The following NSD3 variants were observed in gnomAD, a reference collection of about 807,000 sequenced individuals.
The protein encoded by NSD3 is histone-lysine N-methyltransferase NSD3.
NSD3 carries 24 observed loss-of-function variants against 160.8 expected under a neutral mutation model. The observed-to-expected ratio is 0.15, with a 90% CI of 0.11 to 0.21. The LOEUF (loss-of-function observed/expected upper bound fraction) is 0.21, where lower values mean the gene tolerates loss of function less well. Ranked by LOEUF, NSD3 falls within the 10% of genes least tolerant of loss-of-function variation. The pLI is 1.00. For missense variants in NSD3, 1,157 were observed against 1,735.9 expected (o/e 0.67, Z 5.93); for synonymous variants, 520 against 600.0 (o/e 0.87, Z 1.95).
At chr8:38,343,064 C>T (rs955932500) in intron 2 of NSD3, among the ~76,000 whole-genome samples, 1 of 151,558 alleles carries the variant, frequency 6.6e-6, no homozygotes, top group Non-Finnish European at 1.5e-5. Flanking sequence ...AGTGTGGTGA[C>T]GCACACCTGT....
chr8:38,293,922 C>CAAAAAAAAAAAAAAAAAAAAAAAA (rs11290856), intron 16 of NSD3, among the ~76,000 whole-genome samples: 1 of 49,932 alleles, frequency 2.0e-5, no homozygotes, highest in Non-Finnish European at 3.2e-5. Flanking sequence ...GACTCCGTCT[C>CAAAAAAAAAAAAAAAAAAAAAAAA]AAAAAAAAAA....
At chr8:38,344,272 T>C (rs1563362467) in intron 2 of NSD3, among the ~76,000 whole-genome samples, 1 of 152,146 alleles carries the variant, frequency 6.6e-6, no homozygotes, top group Non-Finnish European at 1.5e-5. Context: ...TGTTGTGTTT[T>C]TTTATTTGTT....
At chr8:38,326,914 T>C (rs1809926117) in intron 6 of NSD3, 58 bp from the exon 7 acceptor site, 2 of 1,589,686 alleles carry the variant, frequency 1.3e-6, no homozygotes, top group African/African-American at 1.4e-5. Context: ...GCAAGTGGCA[T>C]CATGGGCTTA....
Position 38,321,006 on chromosome 8 carries a change from G to T in NSD3, c.1809+66C>A. On this transcript the variant is annotated intron_variant, in intron 8 of 23. Coordinates refer to ENST00000317025, the MANE Select transcript of NSD3 (RefSeq NM_023034.2). This position sits in a 1 kb window ranked among gnomAD's most constrained non-coding sequence, Gnocchi z 4.7. ...GGGGGAAAGTTTCTCTTTCTTTTAA[G>T]ACAGGAATGTAAGCCACAACATTTA... is the stretch of plus-strand genomic sequence containing the variant. The T allele has an allele frequency of 6.9e-7, 1 of 1,453,472 alleles. No homozygotes were observed. Among genetic ancestry groups the T allele is most frequent in the Non-Finnish European group, 9.6e-7 (1 of 1,041,398 alleles). The allele number at this position is 1,453,472 out of a possible 1,614,324, so 90.0% of individuals were successfully genotyped here. A position where few individuals can be genotyped will look rare whatever the true frequency, so the allele number is the denominator to read the frequency against.
Position 38,315,974 on chromosome 8 carries a change from T to C in NSD3, c.1924A>G (p.Met642Val). The C allele has an allele frequency of 6.2e-7, 1 of 1,613,726 alleles. No individual in the cohort carries two copies. Among genetic ancestry groups the C allele is most frequent in the Non-Finnish European group, 8.5e-7 (1 of 1,180,004 alleles). ...KRSRASTDVEMTSSAYRDTSD... is the reference protein window; with the variant it reads ...KRSRASTDVEVTSSAYRDTSD... Reference sequence around the variant, plus strand: ...GTGTCTCTGTATGCTGAACTAGTCATTTCTACATCAGTTGAGGCGCGACTC... The same window carrying C: ...GTGTCTCTGTATGCTGAACTAGTCACTTCTACATCAGTTGAGGCGCGACTC... The change falls in exon 10 of 24, where the codon ATG becomes GTG. Residue 642 changes from methionine to valine, a missense_variant. By Grantham distance (21) the Met-to-Val change is conservative. Around this residue, in one of 10 missense-constraint regions of NSD3, gnomAD observed 437 missense variants for 576.6 expected, o/e 0.76. Coordinates refer to ENST00000317025, the MANE Select transcript of NSD3 (RefSeq NM_023034.2).
intron 14 of NSD3, chr8:38,303,502 G>T: frequency 1.9e-6 from 1 of 527,926 alleles, no homozygotes; most frequent in Non-Finnish European, 2.4e-6. Flanking sequence ...GACCCTGCTA[G>T]CTACTCCACA....
chr8:38,348,028 T>A lies in NSD3; in HGVS notation c.144A>T (p.Pro48=). 1 of 1,614,222 alleles carries A rather than the reference T, an allele frequency of 6.2e-7. No individual in the cohort carries two copies. Among genetic ancestry groups the A allele is most frequent in the Non-Finnish European group, 8.5e-7 (1 of 1,180,026 alleles). Residue 48 remains proline (P), a synonymous_variant, in exon 2 of 24, where the codon CCA becomes CCT. Transcript: ENST00000317025. ...AGCCTTGCTGCAAAGTAGCTTCATA[T>A]GGTGTCTGGCCACCATCTTCAGCAA... ...SDIAEDGGQT[P]YEATLQQGFQ... is the part of the protein sequence containing the mutation.
In NSD3 at chr8:38,270,709, T is replaced by C. The variant is rs1305650613; in HGVS notation, c.*4932A>G. On this transcript the variant is annotated 3_prime_UTR_variant, in exon 24 of 24. Transcript: ENST00000317025. ...AGCAGTAAAAGCTGAGGGTGCTTTC[T>C]CACTAACTAGCAGATGCAGTAATGC... 6.6e-6 allele frequency: 1 copy of C among 152,214 alleles called. No individual in the cohort carries two copies. The highest frequency in any genetic ancestry group is 2.4e-5 in the African/African-American group (1 of 41,438). The allele number at this position is 152,214 out of a possible 1,614,324, so 9.4% of individuals were successfully genotyped here. A position where few individuals can be genotyped will look rare whatever the true frequency, so the allele number is the denominator to read the frequency against.
At chr8:38,312,922 T>C (rs1158786985) in intron 12 of NSD3, among the ~76,000 whole-genome samples, 1 of 152,202 alleles carries the variant, frequency 6.6e-6, no homozygotes. Context: ...CCAGGCAGCA[T>C]ATATAAGTGA....
intron 1 of NSD3, among the ~76,000 whole-genome samples, chr8:38,356,152 C>T (rs1027046258): frequency 1.3e-5 from 2 of 152,148 alleles, no homozygotes; most frequent in African/African-American, 2.4e-5. Flanking sequence ...AATCACCACA[C>T]AAAAACATTT....
At chr8:38,324,659 T>A (rs976766710) in intron 7 of NSD3, among the ~76,000 whole-genome samples, 1 of 152,162 alleles carries the variant, frequency 6.6e-6, no homozygotes, top group Admixed American at 6.5e-5. Context: ...ATTTCCTGCA[T>A]AATATAAGTG....
chr8:38,332,779 T>G (rs1810096771), intron 4 of NSD3, among the ~76,000 whole-genome samples: 1 of 152,086 alleles, frequency 6.6e-6, no homozygotes, highest in Non-Finnish European at 1.5e-5. Context: ...ACAGAGGTAT[T>G]AGTACATAGT....
At chr8:38,306,044 A>G (rs1809384014) in intron 12 of NSD3, among the ~76,000 whole-genome samples, 1 of 152,152 alleles carries the variant, frequency 6.6e-6, no homozygotes, top group Admixed American at 6.5e-5. Context: ...TTACCAAACC[A>G]GAATTCTATA....
chr8:38,297,246 C>T (rs1351799823), intron 15 of NSD3, among the ~76,000 whole-genome samples: 5 of 152,138 alleles, frequency 3.3e-5, no homozygotes, highest in East Asian at 3.9e-4. Flanking sequence ...AAAATACTCT[C>T]TGGATTGAGA....
At chr8:38,369,175 C>A (rs1811177472) in intron 1 of NSD3, among the ~76,000 whole-genome samples, 1 of 150,006 alleles carries the variant, frequency 6.7e-6, no homozygotes, top group African/African-American at 2.4e-5. Context: ...ATTTTAGGTT[C>A]AACATGTAGT....
chr8:38,304,519 A>T (rs993586156), intron 14 of NSD3, 68 bp downstream of exon 14: 7 of 1,503,790 alleles, frequency 4.7e-6, no homozygotes, highest in Non-Finnish European at 5.4e-6. Context: ...CAATGCTGAG[A>T]CTCTATGTTA....
At chr8:38,360,943 G>A (rs1018246526) in intron 1 of NSD3, among the ~76,000 whole-genome samples, 1 of 152,124 alleles carries the variant, frequency 6.6e-6, no homozygotes. Flanking sequence ...TACCCTTCCA[G>A]AACAGGACTT....
At chr8:38,330,861 G>A (rs996813190) in intron 5 of NSD3, among the ~76,000 whole-genome samples, 8 of 152,082 alleles carry the variant, frequency 5.3e-5, no homozygotes, top group African/African-American at 1.9e-4. Context: ...TCCATCACTT[G>A]TGTGATCTCG....
intron 1 of NSD3, among the ~76,000 whole-genome samples, chr8:38,370,033 A>C (rs1811204185): frequency 6.6e-6 from 1 of 152,070 alleles, no homozygotes; most frequent in African/African-American, 2.4e-5. Context: ...ACCTCAAGTG[A>C]TCCACCCACC....
Sources: gnomAD v4.1 joint callset for allele counts (sites outside exome capture counted in the v4.1 genomes callset) on GRCh38, gnomAD v4.1.1 for gene constraint, gnomAD v4.1.1 regional missense constraint, Gnocchi (gnomAD v3.1) non-coding constraint, MANE v1.5 for transcripts, NCBI Gene and HGNC (gene_info 2026-07-23, HGNC 2026-07-21) for gene names.